The following ACER3 variants were observed in gnomAD, a reference collection of about 807,000 sequenced individuals.
The protein encoded by ACER3 is alkaline ceramidase 3.
In ACER3, 16 loss-of-function variants were observed where a neutral mutation model predicts 48.9. That is an observed-to-expected ratio of 0.33 (90% confidence interval 0.22 to 0.50). ACER3 has a LOEUF of 0.50. Among genes scored for constraint, ACER3 ranks in the 20% least tolerant of loss-of-function variants. ACER3 has a pLI of 0.98. For synonymous variants in ACER3, 109 were observed against 107.8 expected (o/e 1.01, Z -0.07); for missense variants, 227 against 326.0 (o/e 0.70, Z 2.34).
chr11:76,909,916 T>C (rs893468416), intron 1 of ACER3, among the ~76,000 whole-genome samples: 1 of 152,162 alleles, frequency 6.6e-6, no homozygotes, highest in Non-Finnish European at 1.5e-5. Context: ...GTGACATATA[T>C]ACACCATGGA....
chr11:76,991,830 AAAG>A (rs1468555821), intron 6 of ACER3, among the ~76,000 whole-genome samples: 2 of 150,806 alleles, frequency 1.3e-5, no homozygotes, highest in African/African-American at 2.4e-5. Context: ...AAAAAAAAAA[AAAG>A]AAAGAAAAGA....
At chr11:76,866,796 A>G (rs984638042) in intron 1 of ACER3, among the ~76,000 whole-genome samples, 4 of 152,224 alleles carry the variant, frequency 2.6e-5, no homozygotes, top group African/African-American at 9.7e-5. Context: ...CAGAAATGGT[A>G]TTCAAATTTA....
At chr11:76,933,265 T>C (rs1288055330) in intron 2 of ACER3, among the ~76,000 whole-genome samples, 2 of 148,546 alleles carry the variant, frequency 1.3e-5, no homozygotes, top group East Asian at 3.9e-4. Flanking sequence ...TAGCACATAC[T>C]TATAATTTTT....
chr11:76,902,916 C>T (rs1267919379), intron 1 of ACER3, among the ~76,000 whole-genome samples: 2 of 152,174 alleles, frequency 1.3e-5, no homozygotes, highest in Non-Finnish European at 2.9e-5. Context: ...TTTAATACTA[C>T]ATCTTTACAT....
chr11:77,021,022 A>C lies in ACER3; in HGVS notation c.*695A>C, dbSNP rs2135344209. On this transcript the variant is annotated 3_prime_UTR_variant, in exon 11 of 11. Coordinates refer to ENST00000532485, the MANE Select transcript of ACER3 (RefSeq NM_018367.7). ...AACCAGAATGAGTGGGTCATCTTAT[A>C]ACCTTTCTGAAGCTCCATGAGGACA... 6.6e-6 allele frequency: 1 copy of C among 152,480 alleles called. No individual in the cohort carries two copies. The highest frequency in any genetic ancestry group is 1.5e-5 in the Non-Finnish European group (1 of 68,178). 9.4% of individuals were successfully genotyped at this position (152,480 alleles called of 1,614,324 possible).
intron 1 of ACER3, among the ~76,000 whole-genome samples, chr11:76,883,545 A>G (rs1037099362): frequency 2.4e-4 from 36 of 149,034 alleles, no homozygotes; most frequent in Admixed American, 9.5e-4. Flanking sequence ...GGTTCAAGTA[A>G]TTCTCCTGCC....
intron 1 of ACER3, among the ~76,000 whole-genome samples, chr11:76,888,307 T>C (rs1204563146): frequency 1.3e-5 from 2 of 152,252 alleles, no homozygotes; most frequent in Non-Finnish European, 1.5e-5. Flanking sequence ...ATTTAAGCTA[T>C]ATATTGAATG....
At chr11:76,923,364 C>A (rs1946735145) in intron 1 of ACER3, among the ~76,000 whole-genome samples, 1 of 152,164 alleles carries the variant, frequency 6.6e-6, no homozygotes, top group Admixed American at 6.6e-5. Context: ...CCCCAGCAAC[C>A]ACTGATCTTC....
chr11:76,979,459 C>T (rs759647241), intron 4 of ACER3, among the ~76,000 whole-genome samples: 1 of 152,102 alleles, frequency 6.6e-6, no homozygotes, highest in Non-Finnish European at 1.5e-5. Context: ...GAACAGCAGC[C>T]TGGCCAACAT....
chr11:76,873,336 T>C (rs1380784417), intron 1 of ACER3, among the ~76,000 whole-genome samples: 1 of 152,208 alleles, frequency 6.6e-6, no homozygotes, highest in Non-Finnish European at 1.5e-5. Flanking sequence ...TCTGTTTGTA[T>C]GTAAGGAAAG....
At chr11:76,964,358 G>A (rs185864223) in intron 3 of ACER3, among the ~76,000 whole-genome samples, 4,629 of 151,528 alleles carry the variant, frequency 0.031, 140 homozygotes, top group South Asian at 0.065. Flanking sequence ...AAGGAGGCCT[G>A]CCTGCCTCTA....
intron 1 of ACER3, among the ~76,000 whole-genome samples, chr11:76,890,932 A>G (rs890176398): frequency 2.0e-5 from 3 of 152,012 alleles, no homozygotes; most frequent in African/African-American, 4.8e-5. Flanking sequence ...CCCGTGGCCA[A>G]TATGACAAAA....
chr11:77,022,767 TCACCTAA>T lies in ACER3; in HGVS notation c.*2441_*2447del. 1 of 189,012 alleles carries T rather than the reference TCACCTAA, an allele frequency of 5.3e-6. No homozygotes were observed. The highest frequency in any genetic ancestry group is 1.9e-4 in the South Asian group (1 of 5,136). The allele number at this position is 189,012 out of a possible 1,614,324, so 11.7% of individuals were successfully genotyped here. On this transcript the variant is annotated 3_prime_UTR_variant, in exon 11 of 11. Transcript: ENST00000532485. The stretch of plus-strand genomic sequence containing the variant: ...GAGCCAATAGTGATTTGTTTGCATA[TCACCTAA>T]TGTGAAAAGTGCTCATCTGTGAACT...
intron 1 of ACER3, among the ~76,000 whole-genome samples, chr11:76,912,150 C>A (rs370648556): frequency 6.6e-6 from 1 of 152,144 alleles, no homozygotes; most frequent in Non-Finnish European, 1.5e-5. Context: ...ATTAAATCTA[C>A]TGGAATTAGA....
At chr11:76,883,261 A>G (rs961419413) in intron 1 of ACER3, among the ~76,000 whole-genome samples, 1 of 151,886 alleles carries the variant, frequency 6.6e-6, no homozygotes, top group African/African-American at 2.4e-5. Context: ...TTAGGGCCTT[A>G]TTTTGTCATT....
At chr11:77,009,268 C>T (rs1460493877) in intron 7 of ACER3, among the ~76,000 whole-genome samples, 3 of 152,186 alleles carry the variant, frequency 2.0e-5, no homozygotes, top group East Asian at 1.9e-4. Context: ...GGAGCAGACA[C>T]GCCACATGGC....
At chr11:76,877,117 G>A (rs954180778) in intron 1 of ACER3, among the ~76,000 whole-genome samples, 1 of 152,038 alleles carries the variant, frequency 6.6e-6, no homozygotes, top group South Asian at 2.1e-4. Context: ...AATTTTATAA[G>A]CATCATTTTA....
At chr11:76,875,585 A>G (rs1945351649) in intron 1 of ACER3, among the ~76,000 whole-genome samples, 1 of 151,438 alleles carries the variant, frequency 6.6e-6, no homozygotes, top group African/African-American at 2.4e-5. Flanking sequence ...CCATCAGTTC[A>G]TTTTATTTTT....
Position 77,019,770 on chromosome 11 carries a change from A to AG in ACER3, c.745dup (p.Val249GlyfsTer14). 1 of 1,613,904 alleles carries AG rather than the reference A, an allele frequency of 6.2e-7. No individual in the cohort carries two copies. Among genetic ancestry groups the AG allele is most frequent in the Non-Finnish European group, 8.5e-7 (1 of 1,179,846 alleles). The stretch of plus-strand genomic sequence containing the variant: ...CACTTTACCTGAGATATAGGCCAAA[A>AG]GTGAAGGTAAGTCCACTTCCTAGGT... On this transcript the variant is annotated frameshift_variant, in exon 10 of 11. Transcript: ENST00000532485. LOFTEE classifies it high-confidence loss of function.
Sources: gnomAD v4.1 joint callset for allele counts (sites outside exome capture counted in the v4.1 genomes callset) on GRCh38, gnomAD v4.1.1 for gene constraint, MANE v1.5 for transcripts, NCBI Gene and HGNC (gene_info 2026-07-23, HGNC 2026-07-21) for gene names.